FLT3: variants seen among roughly 807,000 people sequenced by gnomAD.
FLT3 encodes fms related receptor tyrosine kinase 3.
Under a neutral mutation model 126.6 loss-of-function variants are expected in FLT3, and 46 were observed. That is an observed-to-expected ratio of 0.36 (90% CI 0.29 to 0.46). The LOEUF (loss-of-function observed/expected upper bound fraction) is 0.46, where lower values mean the gene tolerates loss of function less well. FLT3 is among the 20% of genes least tolerant of loss of function. FLT3 has a pLI of 1.00. For missense variants in FLT3, 1,069 were observed against 1,190.3 expected, an observed-to-expected ratio of 0.90 and a Z score of 1.50; for synonymous variants, 404 against 434.4, an observed-to-expected ratio of 0.93 and a Z score of 0.87.
Position 28,028,240 on chromosome 13 carries a change from A to C in FLT3, c.1991T>G (p.Met664Arg). 1 of 1,612,308 alleles carries C rather than the reference A, an allele frequency of 6.2e-7. No individual in the cohort carries two copies. Among genetic ancestry groups the C allele is most frequent in the Non-Finnish European group, 8.5e-7 (1 of 1,178,348 alleles). ...EREALMSELK[M>R]MTQLGSHENI... Reference sequence around the variant, plus strand: ...CTCGTGGCTTCCCAGCTGGGTCATCATCTTGAGTTCTGACATGAGTGCCTC... The same window carrying C: ...CTCGTGGCTTCCCAGCTGGGTCATCCTCTTGAGTTCTGACATGAGTGCCTC... Residue 664 changes from methionine to arginine, a missense_variant, in exon 16 of 24, where the codon ATG (methionine) becomes AGG (arginine). By Grantham distance (91) the Met-to-Arg change is moderately conservative. Transcript: ENST00000241453.
Position 28,050,141 on chromosome 13 carries a change from A to G in FLT3, c.696T>C (p.Cys232=). ...ATTCCCTGCCCAGTTCATTTCTGGC[A>G]CAGCACCTTATGTCCGTCCCAAATA... ...HELFGTDIRC[C]ARNELGRECT... Residue 232 remains cysteine, a synonymous_variant, in exon 6 of 24, where the codon TGT becomes TGC. Coordinates refer to ENST00000241453, the MANE Select transcript of FLT3 (RefSeq NM_004119.3). 1 of 1,614,140 alleles carries G rather than the reference A, an allele frequency of 6.2e-7. No homozygotes were observed. The highest frequency in any genetic ancestry group is 8.5e-7 in the Non-Finnish European group (1 of 1,179,976).
At chr13:28,060,614 CT>C (rs995689061) in intron 3 of FLT3, among the ~76,000 whole-genome samples, 1 of 149,926 alleles carries the variant, frequency 6.7e-6, no homozygotes, top group Admixed American at 6.7e-5. Context: ...TTCTTTTTTT[CT>C]TTTTTTTGAG....
intron 20 of FLT3, among the ~76,000 whole-genome samples, chr13:28,016,293 G>A (rs1035664632): frequency 5.3e-5 from 8 of 151,402 alleles, no homozygotes; most frequent in South Asian, 2.1e-4. Context: ...TTTTTGAGAC[G>A]GAGTTTCGCT....
At chr13:28,071,019 G>C (rs1224234232) in intron 1 of FLT3, among the ~76,000 whole-genome samples, 79 of 116,226 alleles carry the variant, frequency 6.8e-4, no homozygotes, top group African/African-American at 2.5e-3. Flanking sequence ...TTTTGAGATG[G>C]AGTCTCGCTC....
chr13:28,070,582 A>G lies in FLT3; in HGVS notation c.74T>C (p.Ile25Thr). ...GATCACAGGCAGATCTTGATTTGTA[A>G]TAGTCCCAAATATCATTGCAGAAAA... is the stretch of plus-strand genomic sequence containing the variant. Reference protein sequence around the residue: ...VVFSAMIFGTITNQDLPVIKC... With the variant: ...VVFSAMIFGTTTNQDLPVIKC... Residue 25 changes from isoleucine to threonine, a missense_variant, in exon 2 of 24, where the codon ATT becomes ACT. Coordinates refer to ENST00000241453, the MANE Select transcript of FLT3 (RefSeq NM_004119.3). 1.9e-6 allele frequency: 3 copies of G among 1,602,670 alleles called. No individual in the cohort carries two copies. The highest frequency in any genetic ancestry group is 2.6e-6 in the Non-Finnish European group (3 of 1,170,556).
At chr13:28,035,116 G>C in intron 12 of FLT3, among the ~76,000 whole-genome samples, 1 of 152,090 alleles carries the variant, frequency 6.6e-6, no homozygotes, top group East Asian at 1.9e-4. Flanking sequence ...TAACTTAGGA[G>C]GGCTCTAAAA....
chr13:28,014,235 C>T (rs1871633635), intron 23 of FLT3, among the ~76,000 whole-genome samples: 1 of 152,076 alleles, frequency 6.6e-6, no homozygotes, highest in South Asian at 2.1e-4. Flanking sequence ...TCACGCCACA[C>T]ACTCCAGCCT....
intron 5 of FLT3, among the ~76,000 whole-genome samples, chr13:28,051,669 T>G (rs960108418): frequency 2.0e-5 from 3 of 151,232 alleles, no homozygotes; most frequent in African/African-American, 7.3e-5. Context: ...CTCAGCCTCC[T>G]GAGTAGCTGG....
chr13:28,008,726 G>A (rs540198414), intron 23 of FLT3, among the ~76,000 whole-genome samples: 6 of 152,082 alleles, frequency 3.9e-5, no homozygotes, highest in South Asian at 2.1e-4. Context: ...TGATCCACTC[G>A]CCTCAGACTC....
At chr13:28,064,350 G>A (rs532277921) in intron 2 of FLT3, among the ~76,000 whole-genome samples, 5 of 152,122 alleles carry the variant, frequency 3.3e-5, no homozygotes, top group South Asian at 2.1e-4. Context: ...CAAGGTGGGC[G>A]GATCACAAGG....
At chr13:28,066,368 C>CCT (rs564583105) in intron 2 of FLT3, among the ~76,000 whole-genome samples, 116 of 152,282 alleles carry the variant, frequency 7.6e-4, no homozygotes, top group African/African-American at 2.7e-3. Flanking sequence ...GATCTTGGTT[C>CCT]CTAAATACTA....
At chr13:28,027,300 T>G in intron 16 of FLT3, 59 bp from the exon 17 acceptor site, 1 of 1,422,520 alleles carries the variant, frequency 7.0e-7, no homozygotes, top group Non-Finnish European at 9.7e-7. Flanking sequence ...ATTTCAGAAG[T>G]CTATGTAGCA....
intron 1 of FLT3, among the ~76,000 whole-genome samples, chr13:28,091,199 C>T (rs1269616791): frequency 3.1e-4 from 38 of 124,346 alleles, no homozygotes; most frequent in East Asian, 8.1e-4. Flanking sequence ...CTCTTTGGGC[C>T]CCATTTTCTT....
At chr13:28,077,157 G>C (rs909192062) in intron 1 of FLT3, among the ~76,000 whole-genome samples, 2 of 152,062 alleles carry the variant, frequency 1.3e-5, no homozygotes, top group Non-Finnish European at 2.9e-5. Context: ...CAAAAGAAAA[G>C]AGAGTTTTAT....
chr13:28,073,637 A>G (rs1260579454), intron 1 of FLT3, among the ~76,000 whole-genome samples: 1 of 152,104 alleles, frequency 6.6e-6, no homozygotes, highest in African/African-American at 2.4e-5. Flanking sequence ...CACCACAATC[A>G]AAATGGTGAA....
chr13:28,018,454 A>G lies in FLT3; in HGVS notation c.2541+13T>C. On this transcript the variant is annotated intron_variant, in intron 20 of 23. Transcript: ENST00000241453. ...ATAGCCGTATAAAAATAAGTAGGAA[A>G]TAGCAGCCTCACATTGCCCCTGACA... 6.2e-7 allele frequency: 1 copy of G among 1,613,762 alleles called. No individual in the cohort carries two copies.
chr13:28,021,998 A>G (rs1872435168), intron 19 of FLT3, among the ~76,000 whole-genome samples: 1 of 151,684 alleles, frequency 6.6e-6, no homozygotes, highest in South Asian at 2.1e-4. Flanking sequence ...CGGCCTCCCA[A>G]AGTGTTGGGA....
chr13:28,018,531 T>C lies in FLT3; in HGVS notation c.2477A>G (p.Lys826Arg), dbSNP rs1403972292. 2 of 1,614,134 alleles carry C rather than the reference T, an allele frequency of 1.2e-6. No homozygotes were observed. The change falls in exon 20 of 24, where the codon AAG (lysine) becomes AGG (arginine). Residue 826 changes from lysine to arginine, a missense_variant. Lys to Arg is a conservative substitution (Grantham distance 26). Transcript: ENST00000241453. ...NVLVTHGKVV[K>R]ICDFGLARDI... ...TCGAGCCAATCCAAAGTCACATATC[T>C]TCACCACTTTCCCGTGGGTGACAAG...
chr13:28,019,390 AGTCC>A (rs1343564891), intron 19 of FLT3, among the ~76,000 whole-genome samples: 41 of 152,322 alleles, frequency 2.7e-4, no homozygotes, highest in African/African-American at 7.0e-4. Context: ...AATTAGAAGG[AGTCC>A]CTGAGCTGAA....
Sources: allele counts gnomAD v4.1 joint callset (sites outside exome capture counted in the v4.1 genomes callset), GRCh38; gene constraint gnomAD v4.1.1; transcripts MANE v1.5; gene names NCBI Gene and HGNC (gene_info 2026-07-23, HGNC 2026-07-21).